The following SHISA6 variants were observed in gnomAD, a reference collection of about 807,000 sequenced individuals.
The protein encoded by SHISA6 is protein shisa-6.
SHISA6 carries 22 observed loss-of-function variants against 47.9 expected under a neutral mutation model. The observed-to-expected ratio is 0.46, with a 90% CI of 0.33 to 0.66. The LOEUF is 0.66. SHISA6 is among the 30% of genes least tolerant of loss of function. The pLI, the probability that SHISA6 is intolerant of heterozygous loss-of-function variation, is 0.02. For synonymous variants in SHISA6, 388 were observed against 337.8 expected (o/e 1.15, Z -1.63); for missense variants, 680 against 764.6 (o/e 0.89, Z 1.30).
rs192216931 is a variant in SHISA6 at position 11,496,594 on chromosome 17, C to G, written c.896-55302C>G. ...CTCTACTAAAAATACAAAAAATTAG[C>G]TGGGCCTGGTGGCAGGCGCCTGTAA... On this transcript the variant is annotated intron_variant, in intron 3 of 5. Coordinates refer to ENST00000441885, the MANE Select transcript of SHISA6 (RefSeq NM_207386.4). 2.2e-3 allele frequency among the ~76,000 whole-genome samples: 328 copies of G among 152,210 alleles called. 2 individuals carry two copies. Among genetic ancestry groups the G allele is most frequent in the African/African-American group, 7.4e-3 (307 of 41,548 alleles).
chr17:11,252,194 C>T (rs536578131), intron 1 of SHISA6, among the ~76,000 whole-genome samples: 40 of 152,258 alleles, frequency 2.6e-4, no homozygotes, highest in African/African-American at 6.0e-4. Flanking sequence ...GACCTCTGGG[C>T]GGCTAGAACC....
Position 11,558,175 on chromosome 17 carries a change from G to A in SHISA6, c.1527G>A (p.Leu509=), listed in dbSNP as rs1411107846. Residue 509 remains leucine (L), a synonymous_variant, in exon 6 of 6, where the codon CTG becomes CTA. Coordinates refer to ENST00000441885, the MANE Select transcript of SHISA6 (RefSeq NM_207386.4). Reference sequence around the variant, plus strand: ...CCTCCAATAACTCATACGCCACCCTGGGCCAGAGCCAGACGGCAGCCAAGC... The same window carrying A: ...CCTCCAATAACTCATACGCCACCCTAGGCCAGAGCCAGACGGCAGCCAAGC... ...PSASNNSYAT[L]GQSQTAAKRH... 6.5e-7 allele frequency: 1 copy of A among 1,547,678 alleles called. No homozygotes were observed. Among genetic ancestry groups the A allele is most frequent in the Non-Finnish European group, 8.7e-7 (1 of 1,146,992 alleles).
Position 11,558,040 on chromosome 17 carries a change from G to T in SHISA6, c.1392G>T (p.Thr464=). Residue 464 remains threonine, a synonymous_variant, in exon 6 of 6, where the codon ACG becomes ACT. Transcript: ENST00000441885. ...ACCCGCTGCTGTCCCCGGAGCGGAC[G>T]GCCTTTCCCGAGCAGTCGCTGTCCA... ...SQDPLLSPER[T]AFPEQSLSRA... 1 of 1,551,606 alleles carries T rather than the reference G, an allele frequency of 6.4e-7. No individual in the cohort carries two copies. The highest frequency in any genetic ancestry group is 8.7e-7 in the Non-Finnish European group (1 of 1,146,986).
At chr17:11,446,513 A>AT (rs1353336708) in intron 3 of SHISA6, among the ~76,000 whole-genome samples, 5 of 152,184 alleles carry the variant, frequency 3.3e-5, no homozygotes, top group African/African-American at 1.2e-4. Context: ...TTCTAATCCA[A>AT]TTTCCCAACA....
chr17:11,255,085 C>T (rs1018899609), intron 1 of SHISA6, among the ~76,000 whole-genome samples: 2 of 152,214 alleles, frequency 1.3e-5, no homozygotes, highest in African/African-American at 4.8e-5. Flanking sequence ...GTCAACAGGA[C>T]AGGAGTGTTT....
At chr17:11,498,813 A>G (rs1482884020) in intron 3 of SHISA6, among the ~76,000 whole-genome samples, 4 of 152,192 alleles carry the variant, frequency 2.6e-5, no homozygotes, top group East Asian at 3.9e-4. Flanking sequence ...AGGACCTACT[A>G]TCCTTCTCTG....
At chr17:11,494,274 T>C (rs1022833720) in intron 3 of SHISA6, among the ~76,000 whole-genome samples, 1 of 152,086 alleles carries the variant, frequency 6.6e-6, no homozygotes, top group Admixed American at 6.6e-5. Context: ...TTAAAGACTC[T>C]CATCTGCCCC....
intron 3 of SHISA6, among the ~76,000 whole-genome samples, chr17:11,432,072 G>A (rs1385396339): frequency 6.6e-6 from 1 of 152,172 alleles, no homozygotes; most frequent in Non-Finnish European, 1.5e-5. Context: ...TCACCCTGAA[G>A]GTTTATAAAA....
intron 2 of SHISA6, among the ~76,000 whole-genome samples, chr17:11,339,886 A>G (rs2142211961): frequency 6.6e-6 from 1 of 152,306 alleles, no homozygotes; most frequent in Middle Eastern, 3.4e-3. Flanking sequence ...TCTCGAATAG[A>G]AGCTCAGCTA....
chr17:11,536,417 C>A (rs2071788860), intron 3 of SHISA6, among the ~76,000 whole-genome samples: 2 of 152,124 alleles, frequency 1.3e-5, no homozygotes, highest in South Asian at 2.1e-4. Context: ...GGGGGTTTCC[C>A]AAAAGGTTGC....
chr17:11,332,316 G>A lies in SHISA6; in HGVS notation c.800-47098G>A, dbSNP rs146295705. ...GGTGAGTCATCCGTGGGCTTTTTCT[G>A]GTTTTATAGCAGCTCTCTGCTACCC... On this transcript the variant is annotated intron_variant, in intron 2 of 5. Transcript: ENST00000441885. Among the ~76,000 whole-genome samples, 17 of 152,076 alleles carry A rather than the reference G, an allele frequency of 1.1e-4. No homozygotes were observed. The East Asian group carries it at 3.3e-3, about 29-fold the overall frequency.
chr17:11,554,466 G>A, intron 4 of SHISA6, among the ~76,000 whole-genome samples: 1 of 152,126 alleles, frequency 6.6e-6, no homozygotes, highest in East Asian at 1.9e-4. Context: ...GCCTAGGAGG[G>A]CTTCTCTGTC....
chr17:11,281,233 A>T (rs1909110267), intron 2 of SHISA6, among the ~76,000 whole-genome samples: 1 of 152,050 alleles, frequency 6.6e-6, no homozygotes, highest in Non-Finnish European at 1.5e-5. Context: ...GTGACAACTT[A>T]TTTTCTAATC....
chr17:11,338,724 A>G (rs1295160851), intron 2 of SHISA6, among the ~76,000 whole-genome samples: 1 of 152,080 alleles, frequency 6.6e-6, no homozygotes, highest in South Asian at 2.1e-4. Context: ...CCACCAGAAG[A>G]CTTTTAACAA....
Position 11,561,766 on chromosome 17 carries a change from A to T in SHISA6, c.*3462A>T, listed in dbSNP as rs767828052. ...ATTTCTTTTCCCTGGTCTTGCTATAATCTCCAGCTCTAAAAATCAGAGCTC... is the reference window on the plus strand; with the variant it reads ...ATTTCTTTTCCCTGGTCTTGCTATATTCTCCAGCTCTAAAAATCAGAGCTC... On this transcript the variant is annotated 3_prime_UTR_variant, in exon 6 of 6. Transcript: ENST00000441885. The T allele has an allele frequency of 2.0e-5, 3 of 152,002 alleles. No homozygotes were observed. The highest frequency in any genetic ancestry group is 4.4e-5 in the Non-Finnish European group (3 of 68,024). 9.4% of individuals were successfully genotyped at this position (152,002 alleles called of 1,614,324 possible). A position where few individuals can be genotyped will look rare whatever the true frequency, so the allele number is the denominator to read the frequency against.
chr17:11,263,287 T>C lies in SHISA6; in HGVS notation c.639-79T>C, dbSNP rs1908306247. On this transcript the variant is annotated intron_variant, in intron 1 of 5. Coordinates refer to ENST00000441885, the MANE Select transcript of SHISA6 (RefSeq NM_207386.4). ...CTGCATCTCTGTAAATCAAAGGGCATATGAAAGTAAGCCAACTCCCCTCAT... is the reference window on the plus strand; with the variant it reads ...CTGCATCTCTGTAAATCAAAGGGCACATGAAAGTAAGCCAACTCCCCTCAT... 5 of 1,433,996 alleles carry C rather than the reference T, an allele frequency of 3.5e-6. No individual in the cohort carries two copies. The East Asian group carries it at 1.0e-4, about 29-fold the overall frequency. The allele number at this position is 1,433,996 out of a possible 1,614,324, so 88.8% of individuals were successfully genotyped here.
At chr17:11,247,372 A>G (rs771504789) in intron 1 of SHISA6, among the ~76,000 whole-genome samples, 13 of 152,280 alleles carry the variant, frequency 8.5e-5, no homozygotes, top group Non-Finnish European at 1.6e-4. Context: ...TTCAATTTCT[A>G]TAGTCTGCAA....
At chr17:11,266,735 A>G (rs1262656451) in intron 2 of SHISA6, among the ~76,000 whole-genome samples, 3 of 152,226 alleles carry the variant, frequency 2.0e-5, no homozygotes. Context: ...AATGAATGAA[A>G]GAACCAAAGG....
intron 3 of SHISA6, among the ~76,000 whole-genome samples, chr17:11,463,776 G>T (rs1245024854): frequency 6.6e-6 from 1 of 152,136 alleles, no homozygotes. Context: ...CCTGTTGATG[G>T]ATATTTAGGT....
Sources: allele counts gnomAD v4.1 joint callset (sites outside exome capture counted in the v4.1 genomes callset), GRCh38; gene constraint gnomAD v4.1.1; transcripts MANE v1.5; gene names NCBI Gene and HGNC (gene_info 2026-07-23, HGNC 2026-07-21).